Variants in MOSPD2 observed in about 807,000 individuals in gnomAD.
MOSPD2 encodes the protein motile sperm domain containing 2.
In MOSPD2, 5 loss-of-function variants were observed where a neutral mutation model predicts 41.7. The observed-to-expected ratio is 0.12, with a 90% CI of 0.06 to 0.25. The LOEUF is 0.25. Ranked by LOEUF, MOSPD2 falls within the 10% of genes least tolerant of loss-of-function variation. The pLI, the probability that MOSPD2 is intolerant of heterozygous loss-of-function variation, is 1.00. For synonymous variants in MOSPD2, 115 were observed against 126.9 expected (o/e 0.91, Z 0.63); for missense variants, 282 against 375.2 (o/e 0.75, Z 2.05).
At chrX:14,880,365 CTT>C (rs1360910657) in intron 2 of MOSPD2, among the ~76,000 whole-genome samples, 4 of 111,269 alleles carry the variant, frequency 3.6e-5, no homozygotes, top group African/African-American at 6.5e-5. Context: ...TGAATTTACT[CTT>C]ATAAATTCTG....
chrX:14,907,334 G>A (rs1362430087), intron 7 of MOSPD2, among the ~76,000 whole-genome samples: 1 of 112,059 alleles, frequency 8.9e-6, no homozygotes, highest in Non-Finnish European at 1.9e-5. Flanking sequence ...ATTACCATAT[G>A]ACCCAAAATT....
At chrX:14,883,445 T>C (rs1392285352) in intron 2 of MOSPD2, among the ~76,000 whole-genome samples, 1 of 112,164 alleles carries the variant, frequency 8.9e-6, no homozygotes, top group Non-Finnish European at 1.9e-5. Context: ...AAGGATTTTT[T>C]CTTCCTGTAG....
intron 3 of MOSPD2, 123 bp from the exon 4 acceptor site, chrX:14,895,185 A>T: frequency 2.2e-6 from 1 of 460,543 alleles, no homozygotes; most frequent in Non-Finnish European, 3.7e-6. Context: ...TTTTTTTTGA[A>T]TGTTTGGGTA....
chrX:14,909,226 A>C (rs955549456), intron 8 of MOSPD2, among the ~76,000 whole-genome samples: 4 of 111,974 alleles, frequency 3.6e-5, no homozygotes, highest in African/African-American at 1.3e-4. Context: ...AATGAGAAAT[A>C]AGTCTTCAGT....
intron 2 of MOSPD2, among the ~76,000 whole-genome samples, chrX:14,886,783 G>C (rs900919096): frequency 2.7e-5 from 3 of 111,277 alleles, no homozygotes; most frequent in Non-Finnish European, 3.8e-5. Flanking sequence ...CAGTCTAGGG[G>C]TGGGGCCCAG....
intron 14 of MOSPD2, among the ~76,000 whole-genome samples, chrX:14,919,045 C>T (rs2092604940): frequency 9.0e-6 from 1 of 110,797 alleles, no homozygotes; most frequent in East Asian, 2.8e-4. Flanking sequence ...TAGCGAGACC[C>T]TGTCTGTACA....
At chrX:14,894,526 C>A (rs1278873444) in intron 3 of MOSPD2, among the ~76,000 whole-genome samples, 5 of 110,073 alleles carry the variant, frequency 4.5e-5, no homozygotes, top group African/African-American at 6.6e-5. Context: ...CTGTGTTAGC[C>A]AGGATGGTCT....
At chrX:14,884,018 T>G (rs1276188915) in intron 2 of MOSPD2, among the ~76,000 whole-genome samples, 1 of 111,268 alleles carries the variant, frequency 9.0e-6, no homozygotes, top group East Asian at 2.8e-4. Context: ...GAAACAAAAA[T>G]CAGACTGATA....
rs906678814 is a variant in MOSPD2, at chrX:14,919,720, C to T, written c.1468C>T (p.Arg490Cys). The change falls in exon 15 of 15, where the codon CGT (arginine) becomes TGT (cysteine). Residue 490 changes from arginine (R) to cysteine (C), a missense_variant. Arg to Cys is a radical substitution (Grantham distance 180). Transcript: ENST00000380492. ...SNRKLEDQVQ[R>C]CIWFQQLLLS... ...TAGGAAGCTTGAAGACCAAGTTCAG[C>T]GTTGTATCTGGTTCCAGCAGCTGCT... 18 of 1,208,556 alleles carry T rather than the reference C, an allele frequency of 1.5e-5. No individual in the cohort carries two copies. The highest frequency in any genetic ancestry group is 1.9e-5 in the Non-Finnish European group (17 of 894,187).
intron 10 of MOSPD2, among the ~76,000 whole-genome samples, chrX:14,913,414 C>T (rs1406748519): frequency 9.0e-6 from 1 of 111,634 alleles, no homozygotes; most frequent in African/African-American, 3.3e-5. Context: ...CCGGTGAAGT[C>T]CCAGAGCTGC....
intron 2 of MOSPD2, 92 bp from the exon 3 acceptor site, chrX:14,892,631 T>A: frequency 1.5e-6 from 1 of 677,029 alleles, no homozygotes; most frequent in Non-Finnish European, 2.3e-6. Context: ...CTTAACTTTG[T>A]CTTGGAAGTC....
intron 10 of MOSPD2, among the ~76,000 whole-genome samples, chrX:14,913,676 A>T (rs1472742907): frequency 1.8e-5 from 2 of 112,143 alleles, no homozygotes; most frequent in Non-Finnish European, 3.8e-5. Flanking sequence ...CAAGGTACAG[A>T]CATTCCTGAT....
In MOSPD2 at chrX:14,920,637, G is replaced by A. The variant is rs2092607943; in HGVS notation, c.*828G>A. The A allele has an allele frequency of 1.3e-6, 1 of 751,509 alleles. No homozygotes were observed. The highest frequency in any genetic ancestry group is 2.3e-5 in the African/African-American group (1 of 42,970). The allele number at this position is 751,509 out of a possible 1,213,427, so 61.9% of individuals were successfully genotyped here. A position where few individuals can be genotyped will look rare whatever the true frequency, so the allele number is the denominator to read the frequency against. The stretch of plus-strand genomic sequence containing the variant: ...TTTGCCTAATTTATTATAAAGGCCT[G>A]ACCCTCTATTGTCCCATCTTCACCC... On this transcript the variant is annotated 3_prime_UTR_variant, in exon 15 of 15. Transcript: ENST00000380492.
chrX:14,896,513 CTG>C (rs1008015103), intron 4 of MOSPD2, among the ~76,000 whole-genome samples: 5 of 112,032 alleles, frequency 4.5e-5, no homozygotes, highest in African/African-American at 1.6e-4. Context: ...AGTCTGCCCT[CTG>C]TGCTATTGCC....
At chrX:14,877,259 G>A in intron 2 of MOSPD2, among the ~76,000 whole-genome samples, 1 of 111,987 alleles carries the variant, frequency 8.9e-6, no homozygotes, top group African/African-American at 3.3e-5. Flanking sequence ...ATTAATTTGG[G>A]TCATACCAAA....
rs777760268 is a variant in MOSPD2 at position 14,907,516 on chromosome X, T to C, written c.578-1344T>C. On this transcript the variant is annotated intron_variant, in intron 7 of 14. Transcript: ENST00000380492. ...TGCATATCTATAAAATGGACAATTA[T>C]TCAGTCATAAAAGGGAATTAAGTAC... Among the ~76,000 whole-genome samples, 7 of 112,622 alleles carry C rather than the reference T, an allele frequency of 6.2e-5. No homozygotes were observed. The South Asian group carries it at 2.5e-3, about 41-fold the overall frequency.
At chrX:14,912,212 T>C in intron 9 of MOSPD2, 37 bp from the exon 10 acceptor site, 3 of 956,948 alleles carry the variant, frequency 3.1e-6, no homozygotes, top group Non-Finnish European at 2.8e-6. Flanking sequence ...GTCATGTTAA[T>C]ATATGCTAAA....
chrX:14,908,100 A>C (rs2092585304), intron 7 of MOSPD2, among the ~76,000 whole-genome samples: 1 of 111,524 alleles, frequency 9.0e-6, no homozygotes, highest in Non-Finnish European at 1.9e-5. Flanking sequence ...TTAATTTCTT[A>C]AAAATGTACT....
rs942025259 is a variant in MOSPD2 at position 14,916,443 on chromosome X, G to A, written c.1316+117G>A. On this transcript the variant is annotated intron_variant, in intron 13 of 14. Coordinates refer to ENST00000380492, the MANE Select transcript of MOSPD2 (RefSeq NM_152581.4). ...TTGCATCTGCTGGGTGCCCTGCAAG[G>A]CTCTGGGGATGCCCAGATGAAAGAG... The A allele has an allele frequency of 6.5e-6, 7 of 1,079,832 alleles. No homozygotes were observed. In the African/African-American group the frequency reaches 9.3e-5, roughly 14 times the overall value. 89.0% of individuals were successfully genotyped at this position (1,079,832 alleles called of 1,213,427 possible).
Sources: gnomAD v4.1 joint callset for allele counts (sites outside exome capture counted in the v4.1 genomes callset) on GRCh38, gnomAD v4.1.1 for gene constraint, MANE v1.5 for transcripts, NCBI Gene and HGNC (gene_info 2026-07-23, HGNC 2026-07-21) for gene names.